The following CATSPERE variants were observed in gnomAD, a reference collection of about 807,000 sequenced individuals.
The protein encoded by CATSPERE is cation channel sperm-associated auxiliary subunit epsilon.
Under a neutral mutation model 114.1 loss-of-function variants are expected in CATSPERE, and 93 were observed. The observed-to-expected ratio is 0.81, with a 90% CI of 0.69 to 0.97. The LOEUF (loss-of-function observed/expected upper bound fraction) is 0.97. Ranked by LOEUF, CATSPERE falls within the 50% of genes least tolerant of loss-of-function variation. The pLI is 0.00. For missense variants in CATSPERE, 1,058 were observed against 1,131.6 expected (o/e 0.93, Z 0.93); for synonymous variants, 341 against 384.1 (o/e 0.89, Z 1.31).
At chr1:244,468,648 G>T (rs1374310795) in intron 2 of CATSPERE, among the ~76,000 whole-genome samples, 2 of 152,170 alleles carry the variant, frequency 1.3e-5, no homozygotes, top group African/African-American at 4.8e-5. Flanking sequence ...GCCTAGTGTT[G>T]TGGCTTATGC....
intron 7 of CATSPERE, among the ~76,000 whole-genome samples, chr1:244,516,022 C>T (rs1167408568): frequency 6.6e-6 from 1 of 151,550 alleles, no homozygotes; most frequent in African/African-American, 2.4e-5. Flanking sequence ...AGCAAAACCC[C>T]ATCTGTACAA....
At position 244,584,176 on chromosome 1, in the gene CATSPERE, A is replaced by G. The variant is rs563459344; in HGVS notation, c.2085+237A>G. On this transcript the variant is annotated intron_variant, in intron 13 of 21. Transcript: ENST00000366534. ...AAAACAAAGAAAAAATCATTTATTC[A>G]TTTAAAAAAGTTTATTGTATGCCTA... Among the ~76,000 whole-genome samples, 10 of 152,322 alleles carry G rather than the reference A, an allele frequency of 6.6e-5. 1 individual carries two copies. The South Asian group carries it at 1.4e-3, about 22-fold the overall frequency.
chr1:244,603,409 G>A (rs1669536431), intron 17 of CATSPERE, among the ~76,000 whole-genome samples: 1 of 152,146 alleles, frequency 6.6e-6, no homozygotes, highest in Non-Finnish European at 1.5e-5. Context: ...AGGAAGAGCT[G>A]CCAACTAGTA....
intron 20 of CATSPERE, among the ~76,000 whole-genome samples, chr1:244,630,959 A>AT (rs897543753): frequency 5.3e-5 from 8 of 152,076 alleles, no homozygotes; most frequent in African/African-American, 1.7e-4. Flanking sequence ...CTCAGAATTC[A>AT]TTTTTTCTAT....
At chr1:244,623,913 T>C (rs1379609913) in intron 20 of CATSPERE, among the ~76,000 whole-genome samples, 3 of 152,170 alleles carry the variant, frequency 2.0e-5, no homozygotes, top group African/African-American at 7.2e-5. Context: ...TCAGTGTTGA[T>C]GGATGCTGAC....
chr1:244,498,438 A>C (rs1397788968), intron 6 of CATSPERE, among the ~76,000 whole-genome samples: 1 of 152,226 alleles, frequency 6.6e-6, no homozygotes, highest in Non-Finnish European at 1.5e-5. Context: ...CTATATTTTT[A>C]ATATAATTTT....
intron 6 of CATSPERE, among the ~76,000 whole-genome samples, chr1:244,496,445 A>G (rs976596460): frequency 6.6e-6 from 1 of 152,184 alleles, no homozygotes; most frequent in Non-Finnish European, 1.5e-5. Context: ...GATGAGGTGA[A>G]ACCAGTTGAA....
upstream of CATSPERE, among the ~76,000 whole-genome samples, chr1:244,452,870 C>T (rs1012167316): frequency 6.6e-6 from 1 of 152,132 alleles, no homozygotes; most frequent in Non-Finnish European, 1.5e-5. Flanking sequence ...CATCTAATGC[C>T]CTTTCGACAC....
At chr1:244,591,235 T>C (rs1667679596) in intron 14 of CATSPERE, among the ~76,000 whole-genome samples, 1 of 152,264 alleles carries the variant, frequency 6.6e-6, no homozygotes, top group South Asian at 2.1e-4. Flanking sequence ...ACATATGTCT[T>C]ACCTCACATA....
intron 8 of CATSPERE, among the ~76,000 whole-genome samples, chr1:244,534,744 CTT>C: frequency 6.6e-6 from 1 of 152,280 alleles, no homozygotes; most frequent in East Asian, 1.9e-4. Context: ...CCACATATCT[CTT>C]TCTCTCTGTG....
chr1:244,502,939 A>C (rs1674291123), intron 7 of CATSPERE, among the ~76,000 whole-genome samples: 1 of 152,154 alleles, frequency 6.6e-6, no homozygotes, highest in African/African-American at 2.4e-5. Context: ...CTGGCTTGTT[A>C]ACTCCTGGTA....
intron 5 of CATSPERE, among the ~76,000 whole-genome samples, chr1:244,481,154 T>C (rs1670206516): frequency 6.6e-6 from 1 of 151,966 alleles, no homozygotes; most frequent in Non-Finnish European, 1.5e-5. Flanking sequence ...CTCTGTCTCA[T>C]AAAATAAAAT....
At chr1:244,452,051 G>A (rs1302459739), upstream of CATSPERE, 2 of 369,968 alleles carry the variant, frequency 5.4e-6, no homozygotes, top group Non-Finnish European at 9.5e-6. Flanking sequence ...AGCACCGCCC[G>A]CAGGAAGAGG....
At chr1:244,486,547 G>A (rs1255653136) in intron 5 of CATSPERE, among the ~76,000 whole-genome samples, 17 of 134,800 alleles carry the variant, frequency 1.3e-4, no homozygotes, top group South Asian at 2.5e-4. Flanking sequence ...TCCAGCATGT[G>A]GAGTACTCGT....
chr1:244,451,863 G>A (rs1169160998), upstream of CATSPERE: 8 of 1,500,952 alleles, frequency 5.3e-6, no homozygotes, highest in Middle Eastern at 2.4e-4. This position sits in a 1 kb window ranked among gnomAD's most constrained non-coding sequence, Gnocchi z 6.6. Context: ...CGGCCGGCGA[G>A]GAGTGAGCGA....
Position 244,633,185 on chromosome 1 carries a change from T to C in CATSPERE, c.2649-2304T>C, listed in dbSNP as rs573285109. Among the ~76,000 whole-genome samples, 2 of 152,362 alleles carry C rather than the reference T, an allele frequency of 1.3e-5. No homozygotes were observed. The highest frequency in any genetic ancestry group is 4.1e-4 in the South Asian group (2 of 4,828). Reference sequence around the variant, plus strand: ...CTAATTGCAGTTGGAGATTTCAACATTCCTTTCTCAGAAATTGATAGGACA... The same window carrying C: ...CTAATTGCAGTTGGAGATTTCAACACTCCTTTCTCAGAAATTGATAGGACA... On this transcript the variant is annotated intron_variant, in intron 20 of 21. Coordinates refer to ENST00000366534, the MANE Select transcript of CATSPERE (RefSeq NM_001130957.2). This position sits in a 1 kb window ranked among gnomAD's most constrained non-coding sequence, Gnocchi z 4.1.
At position 244,593,557 on chromosome 1, in the gene CATSPERE, AG is replaced by A; in HGVS notation, c.2283del (p.Lys761AsnfsTer23). The A allele has an allele frequency of 6.2e-7, 1 of 1,613,886 alleles. No individual in the cohort carries two copies. The highest frequency in any genetic ancestry group is 8.5e-7 in the Non-Finnish European group (1 of 1,179,816). ...GCPLRLDFTE[K>X]FQPVVQLFDD... is the part of the protein sequence containing the mutation. ...CCTCTGAGGCTTGACTTCACAGAAAAGTTTCAACCTGTGGTTCAACTGTAAG... is the reference window on the plus strand; with the variant it reads ...CCTCTGAGGCTTGACTTCACAGAAAATTTCAACCTGTGGTTCAACTGTAAG... On this transcript the variant is annotated frameshift_variant, in exon 17 of 22. Coordinates refer to ENST00000366534, the MANE Select transcript of CATSPERE (RefSeq NM_001130957.2). LOFTEE classifies it high-confidence loss of function.
intron 7 of CATSPERE, among the ~76,000 whole-genome samples, chr1:244,518,065 AAAAGTACCTTATTAGGAAT>A (rs1397637677): frequency 1.3e-5 from 2 of 152,218 alleles, no homozygotes. Context: ...CTTCCATTCT[AAAAGTACCTTATTAGGAAT>A]AATTCCAACT....
At chr1:244,525,921 G>C (rs552509582) in intron 8 of CATSPERE, among the ~76,000 whole-genome samples, 9 of 152,172 alleles carry the variant, frequency 5.9e-5, no homozygotes, top group African/African-American at 1.9e-4. Flanking sequence ...CCTAGAAGTA[G>C]CCAGTGGTTA....
Sources: gnomAD v4.1 joint callset for allele counts (sites outside exome capture counted in the v4.1 genomes callset) on GRCh38, gnomAD v4.1.1 for gene constraint, Gnocchi (gnomAD v3.1) non-coding constraint, MANE v1.5 for transcripts, NCBI Gene and HGNC (gene_info 2026-07-23, HGNC 2026-07-21) for gene names.